The following OPCML variants were observed in gnomAD, a reference collection of about 807,000 sequenced individuals.
OPCML encodes opioid-binding protein/cell adhesion molecule.
A neutral mutation model predicts 37.8 loss-of-function variants in OPCML; 13 were observed. That is an observed-to-expected ratio of 0.34 (90% confidence interval 0.22 to 0.55). OPCML has a LOEUF of 0.55. Ranked by LOEUF, OPCML falls within the 20% of genes least tolerant of loss-of-function variation. OPCML has a pLI of 0.91. For missense variants in OPCML, 341 were observed against 435.6 expected (o/e 0.78, Z 1.93); for synonymous variants, 176 against 168.8 (o/e 1.04, Z -0.33).
At chr11:133,525,926 G>T (rs187232847) in intron 1 of OPCML, among the ~76,000 whole-genome samples, 1 of 152,294 alleles carries the variant, frequency 6.6e-6, no homozygotes, top group African/African-American at 2.4e-5. Context: ...CAGCATCTCC[G>T]CTCATTAACG....
intron 2 of OPCML, among the ~76,000 whole-genome samples, chr11:132,683,156 C>T (rs553588111): frequency 6.6e-6 from 1 of 152,228 alleles, no homozygotes; most frequent in Admixed American, 6.5e-5. Context: ...GGCTCACACC[C>T]GTAATCCCAA....
intron 4 of OPCML, among the ~76,000 whole-genome samples, chr11:132,520,958 A>G (rs1353816664): frequency 6.6e-6 from 1 of 152,110 alleles, no homozygotes; most frequent in African/African-American, 2.4e-5. Flanking sequence ...TCCTTGAGGA[A>G]TCGCCATGGT....
intron 1 of OPCML, chr11:133,006,820 A>T: frequency 1.0e-6 from 1 of 985,416 alleles, no homozygotes; most frequent in Non-Finnish European, 1.2e-6. Context: ...GAGCAGTGAC[A>T]CCAGGGTAAC....
intron 1 of OPCML, among the ~76,000 whole-genome samples, chr11:133,484,055 T>C (rs1474701649): frequency 6.6e-6 from 1 of 150,488 alleles, no homozygotes; most frequent in Non-Finnish European, 1.5e-5. Flanking sequence ...GATAGATAGA[T>C]AGATAGATAG....
chr11:132,693,851 G>A (rs1943498849), intron 2 of OPCML, among the ~76,000 whole-genome samples: 1 of 152,060 alleles, frequency 6.6e-6, no homozygotes, highest in African/African-American at 2.4e-5. Flanking sequence ...CCACCACGGA[G>A]AGGTCCAGAC....
chr11:132,972,991 C>G (rs1591864344), intron 1 of OPCML, among the ~76,000 whole-genome samples: 1 of 152,346 alleles, frequency 6.6e-6, no homozygotes, highest in South Asian at 2.1e-4. Flanking sequence ...GAGCCTCACA[C>G]AGCCCATACC....
chr11:133,121,535 G>C (rs374309479), intron 1 of OPCML, among the ~76,000 whole-genome samples: 1 of 152,188 alleles, frequency 6.6e-6, no homozygotes, highest in Non-Finnish European at 1.5e-5. Flanking sequence ...AGATTAGAAG[G>C]GGGTGATAGG....
chr11:133,063,454 G>A lies in OPCML; in HGVS notation c.62-120444C>T, dbSNP rs527580345. Reference sequence around the variant, plus strand: ...GTGCCTGCACTTCAGACTGTGAAGCGGCTGCCTTCGAACCTATTTTTATAG... The same window carrying A: ...GTGCCTGCACTTCAGACTGTGAAGCAGCTGCCTTCGAACCTATTTTTATAG... On this transcript the variant is annotated intron_variant, in intron 1 of 7. Transcript: ENST00000524381. 9.9e-5 allele frequency among the ~76,000 whole-genome samples: 15 copies of A among 152,278 alleles called. 1 individual carries two copies. The highest frequency in any genetic ancestry group is 2.9e-4 in the African/African-American group (12 of 41,568).
At chr11:132,775,997 T>A (rs1946797603) in intron 2 of OPCML, among the ~76,000 whole-genome samples, 1 of 152,202 alleles carries the variant, frequency 6.6e-6, no homozygotes, top group African/African-American at 2.4e-5. Flanking sequence ...AGTGGTGCGA[T>A]CTCATCACTG....
intron 1 of OPCML, among the ~76,000 whole-genome samples, chr11:132,955,834 G>T (rs1945967234): frequency 6.6e-6 from 1 of 152,102 alleles, no homozygotes; most frequent in African/African-American, 2.4e-5. Flanking sequence ...AGTGAGCCGA[G>T]ATCGCACCAT....
At chr11:132,731,921 G>C (rs1009006229) in intron 2 of OPCML, among the ~76,000 whole-genome samples, 4 of 152,112 alleles carry the variant, frequency 2.6e-5, no homozygotes, top group Non-Finnish European at 5.9e-5. Context: ...TATGAAAGGT[G>C]AGGTTGGAAA....
At chr11:132,801,011 C>T (rs891353982) in intron 2 of OPCML, among the ~76,000 whole-genome samples, 3 of 152,128 alleles carry the variant, frequency 2.0e-5, no homozygotes, top group African/African-American at 7.2e-5. Flanking sequence ...ACCAGTAAAG[C>T]CACCGGGGCA....
chr11:133,427,254 A>T (rs1242257193), intron 1 of OPCML, among the ~76,000 whole-genome samples: 1 of 152,162 alleles, frequency 6.6e-6, no homozygotes, highest in Non-Finnish European at 1.5e-5. Context: ...AATTACACTG[A>T]TCACATTTTT....
At position 133,149,696 on chromosome 11, in the gene OPCML, C is replaced by T. The variant is rs572461988; in HGVS notation, c.62-206686G>A. On this transcript the variant is annotated intron_variant, in intron 1 of 7. Transcript: ENST00000524381. Reference sequence around the variant, plus strand: ...GCATGTGCAGTTGAGGATGGTGCTGCTGGCTCACTGAAGCTGCTGCTGTTT... The same window carrying T: ...GCATGTGCAGTTGAGGATGGTGCTGTTGGCTCACTGAAGCTGCTGCTGTTT... Among the ~76,000 whole-genome samples the T allele has an allele frequency of 8.5e-5, 13 of 152,342 alleles. No homozygotes were observed. In the South Asian group the frequency reaches 2.5e-3, roughly 29 times the overall value.
At chr11:132,423,281 A>C (rs2095966399) in intron 7 of OPCML, among the ~76,000 whole-genome samples, 1 of 152,202 alleles carries the variant, frequency 6.6e-6, no homozygotes, top group South Asian at 2.1e-4. Flanking sequence ...GTCGTATCAA[A>C]TGCCATAGCA....
intron 2 of OPCML, among the ~76,000 whole-genome samples, chr11:132,712,821 A>T (rs906873734): frequency 6.6e-6 from 1 of 152,214 alleles, no homozygotes; most frequent in African/African-American, 2.4e-5. Context: ...GGAGAGGGGA[A>T]ATGACATGCA....
At chr11:132,825,646 C>G (rs767641716) in intron 2 of OPCML, among the ~76,000 whole-genome samples, 2 of 152,170 alleles carry the variant, frequency 1.3e-5, no homozygotes, top group Non-Finnish European at 2.9e-5. Context: ...ACTTGGAAGG[C>G]GGGTTGAAAA....
At chr11:133,481,148 T>A (rs1947362700) in intron 1 of OPCML, among the ~76,000 whole-genome samples, 1 of 152,222 alleles carries the variant, frequency 6.6e-6, no homozygotes, top group Admixed American at 6.5e-5. Context: ...TAACACAAAT[T>A]TGGGACCAGG....
intron 2 of OPCML, among the ~76,000 whole-genome samples, chr11:132,732,784 T>C (rs1051787044): frequency 6.7e-6 from 1 of 150,256 alleles, no homozygotes; most frequent in African/African-American, 2.5e-5. Context: ...CAGAAAAGTC[T>C]TGAATGACAC....
Sources: gnomAD v4.1 joint callset for allele counts (sites outside exome capture counted in the v4.1 genomes callset) on GRCh38, gnomAD v4.1.1 for gene constraint, MANE v1.5 for transcripts, NCBI Gene and HGNC (gene_info 2026-07-23, HGNC 2026-07-21) for gene names.